GRHL3: variants seen among roughly 807,000 people sequenced by gnomAD.
GRHL3 encodes grainyhead like transcription factor 3.
Under a neutral mutation model 70.3 loss-of-function variants are expected in GRHL3, and 20 were observed. The observed-to-expected ratio is 0.28, with a 90% CI of 0.20 to 0.41. The LOEUF (loss-of-function observed/expected upper bound fraction) is 0.41, where lower values mean the gene tolerates loss of function less well. Among genes scored for constraint, GRHL3 ranks in the 10% least tolerant of loss-of-function variants. The pLI is 1.00. For missense variants in GRHL3, 637 were observed against 762.3 expected (o/e 0.84, Z 1.94); for synonymous variants, 299 against 299.9 (o/e 1.00, Z 0.03).
At chr1:24,346,446 C>A in intron 12 of GRHL3, 107 bp from the exon 13 acceptor site, 2 of 702,390 alleles carry the variant, frequency 2.8e-6, no homozygotes, top group Middle Eastern at 2.4e-4. Context: ...TGCATCCACC[C>A]TTGTGTTTTC....
intron 12 of GRHL3, among the ~76,000 whole-genome samples, chr1:24,345,268 A>C (rs949766712): frequency 1.1e-5 from 1 of 89,230 alleles, no homozygotes; most frequent in African/African-American, 4.6e-5. Context: ...CCCCCTCCAC[A>C]CCTGTGCCCC....
chr1:24,325,314 T>A (rs1639350738), intron 1 of GRHL3, among the ~76,000 whole-genome samples: 1 of 152,228 alleles, frequency 6.6e-6, no homozygotes, highest in African/African-American at 2.4e-5. Flanking sequence ...TCCCACCTTC[T>A]GGAAAGTTGA....
intron 1 of GRHL3, among the ~76,000 whole-genome samples, chr1:24,320,986 C>T (rs1204858212): frequency 6.6e-6 from 1 of 152,186 alleles, no homozygotes; most frequent in Non-Finnish European, 1.5e-5. Flanking sequence ...TGGTGGAGAA[C>T]ACACCAGTAA....
Position 24,321,303 on chromosome 1 carries a change from A to G in GRHL3, c.17+1735A>G, listed in dbSNP as rs995316197. 6.6e-6 allele frequency among the ~76,000 whole-genome samples: 1 copy of G among 152,242 alleles called. No individual in the cohort carries two copies. The highest frequency in any genetic ancestry group is 1.5e-5 in the Non-Finnish European group (1 of 68,040). ...AGTTTGGGGTGGGGTGAGGGAAGCC[A>G]GTTGCCTGCTGAGTAATTGCAGGCG... On this transcript the variant is annotated intron_variant, in intron 1 of 15. Coordinates refer to ENST00000361548, the MANE Select transcript of GRHL3 (RefSeq NM_198173.3). This position sits in a 1 kb window ranked among gnomAD's most constrained non-coding sequence, Gnocchi z 4.0.
rs758217836 is a variant in GRHL3 at position 24,337,136 on chromosome 1, A to G, written c.671A>G (p.Tyr224Cys). 1 of 1,613,650 alleles carries G rather than the reference A, an allele frequency of 6.2e-7. No homozygotes were observed. The highest frequency in any genetic ancestry group is 1.7e-4 in the Middle Eastern group (1 of 6,058). ...CCGGAACCCCCATGTCCAGAGGACT[A>G]CCCCAGCCTCAAAAGGTAACTTGGT... ...TSPEPPCPED[Y>C]PSLKSDFEYT... Residue 224 changes from tyrosine (Y) to cysteine (C), a missense_variant, in exon 5 of 16, where the codon TAC (tyrosine) becomes TGC (cysteine). Around this residue, in one of 2 missense-constraint regions of GRHL3, gnomAD observed 387 missense variants for 513.8 expected, o/e 0.75. Coordinates refer to ENST00000361548, the MANE Select transcript of GRHL3 (RefSeq NM_198173.3).
intron 15 of GRHL3, 89 bp from the exon 16 acceptor site, chr1:24,354,285 G>T: frequency 1.2e-6 from 1 of 838,900 alleles, no homozygotes; most frequent in Non-Finnish European, 2.0e-6. Flanking sequence ...GTACCCACTG[G>T]GTATGACCCA....
chr1:24,346,644 G>A lies in GRHL3; in HGVS notation c.1543+3G>A. On this transcript the variant is annotated splice_donor_region_variant and intron_variant, in intron 13 of 15. Transcript: ENST00000361548. Reference sequence around the variant, plus strand: ...CAAGGAAGGCGACCTTCAGAGAGGTGACCTCCCGCCCTCCTCATTTACTCA... The same window carrying A: ...CAAGGAAGGCGACCTTCAGAGAGGTAACCTCCCGCCCTCCTCATTTACTCA... 6.2e-7 allele frequency: 1 copy of A among 1,608,834 alleles called. No homozygotes were observed. Among genetic ancestry groups the A allele is most frequent in the East Asian group, 2.2e-5 (1 of 44,744 alleles).
intron 12 of GRHL3, among the ~76,000 whole-genome samples, chr1:24,345,240 GCCCCCTCCACACCTGTGC>G (rs1557702758): frequency 8.1e-5 from 1 of 12,310 alleles, no homozygotes; most frequent in Non-Finnish European, 1.5e-4. Context: ...CCACACCTGT[GCCCCCTCCACACCTGTGC>G]CCCCTCCACA....
chr1:24,343,130 C>G, intron 11 of GRHL3, 105 bp downstream of exon 11: 1 of 1,326,048 alleles, frequency 7.5e-7, no homozygotes, highest in South Asian at 1.2e-5. Flanking sequence ...GCCCCTCAGC[C>G]AGTTTCAAGA....
chr1:24,353,223 T>A (rs1406542022), intron 15 of GRHL3, among the ~76,000 whole-genome samples: 1 of 152,188 alleles, frequency 6.6e-6, no homozygotes, highest in African/African-American at 2.4e-5. Context: ...ATATGAGGAT[T>A]CATCCTCCCA....
rs1265023119 is a variant in GRHL3, at chr1:24,331,447, A to T, written c.39A>T (p.Leu13=). ...TCAGTTTCAGGTCTGTGCGGCTGCT[A>T]AAGAACGACCCAGTCAACTTGCAGA... The part of the protein sequence containing the change: ...NELDFRSVRL[L]KNDPVNLQKF... Residue 13 remains leucine, a synonymous_variant, in exon 2 of 16, where the codon CTA becomes CTT. Coordinates refer to ENST00000361548, the MANE Select transcript of GRHL3 (RefSeq NM_198173.3). 1 of 1,613,050 alleles carries T rather than the reference A, an allele frequency of 6.2e-7. No homozygotes were observed. Among genetic ancestry groups the T allele is most frequent in the South Asian group, 1.1e-5 (1 of 90,806 alleles).
At chr1:24,359,174 T>C (rs999456170), downstream of GRHL3, among the ~76,000 whole-genome samples, 2 of 152,204 alleles carry the variant, frequency 1.3e-5, no homozygotes, top group Non-Finnish European at 2.9e-5. The surrounding 1 kb of genome is among the most constrained non-coding windows in gnomAD (Gnocchi z 5.3). Flanking sequence ...CTGAGTTTAC[T>C]GGAAGCTGAG....
At chr1:24,338,138 C>T (rs1440515246) in intron 7 of GRHL3, 35 bp downstream of exon 7, 3 of 1,380,748 alleles carry the variant, frequency 2.2e-6, no homozygotes, top group African/African-American at 2.9e-5. Flanking sequence ...TCCAGCTCCC[C>T]TCTCTCTCCC....
chr1:24,346,682 C>A, intron 13 of GRHL3, 41 bp downstream of exon 13: 1 of 1,448,530 alleles, frequency 6.9e-7, no homozygotes, highest in Non-Finnish European at 9.6e-7. Flanking sequence ...AGGCCCACCC[C>A]AGCTCCCACC....
chr1:24,342,409 C>T lies in GRHL3; in HGVS notation c.1206+136C>T, dbSNP rs544288129. On this transcript the variant is annotated intron_variant, in intron 9 of 15. Coordinates refer to ENST00000361548, the MANE Select transcript of GRHL3 (RefSeq NM_198173.3). This position sits in a 1 kb window ranked among gnomAD's most constrained non-coding sequence, Gnocchi z 4.8. ...TATCCCTTCTCCTCCTTCCCCTCTC[C>T]TCCTCCACCCCCACTCCTCCATCTC... The T allele has an allele frequency of 3.7e-4, 265 of 714,380 alleles. No homozygotes were observed. The highest frequency in any genetic ancestry group is 4.8e-4 in the Non-Finnish European group (206 of 431,214). 44.3% of individuals were successfully genotyped at this position (714,380 alleles called of 1,614,324 possible). A position where few individuals can be genotyped will look rare whatever the true frequency, so the allele number is the denominator to read the frequency against.
chr1:24,362,314 C>G (rs1569967667), intron 15 of GRHL3, among the ~76,000 whole-genome samples: 1 of 152,182 alleles, frequency 6.6e-6, no homozygotes, highest in Admixed American at 6.5e-5. Context: ...GTTATAGGCA[C>G]CTTTGTAGGA....
intron 3 of GRHL3, among the ~76,000 whole-genome samples, chr1:24,335,258 T>C: frequency 6.6e-6 from 1 of 152,186 alleles, no homozygotes; most frequent in Non-Finnish European, 1.5e-5. Context: ...GGGAGGGACA[T>C]CTGGGTTCCC....
Position 24,334,712 on chromosome 1 carries a change from G to C in GRHL3, c.266+6G>C. On this transcript the variant is annotated splice_donor_region_variant and intron_variant, in intron 3 of 15. Coordinates refer to ENST00000361548, the MANE Select transcript of GRHL3 (RefSeq NM_198173.3). The surrounding 1 kb of genome is among the most constrained non-coding windows in gnomAD (Gnocchi z 4.3). The stretch of plus-strand genomic sequence containing the variant: ...AGGAATGACCAAGGAAAGAGGTGAG[G>C]CTTGCCAACACCCTCTGCCTCTTTG... 1 of 1,608,898 alleles carries C rather than the reference G, an allele frequency of 6.2e-7. No individual in the cohort carries two copies. Among genetic ancestry groups the C allele is most frequent in the East Asian group, 2.2e-5 (1 of 44,660 alleles).
chr1:24,348,655 T>C (rs1233722893), intron 14 of GRHL3, among the ~76,000 whole-genome samples: 1 of 152,252 alleles, frequency 6.6e-6, no homozygotes, highest in Non-Finnish European at 1.5e-5. Context: ...GAGAGTTTAC[T>C]ACCTGTGGGG....
Sources: allele counts gnomAD v4.1 joint callset (sites outside exome capture counted in the v4.1 genomes callset), GRCh38; gene constraint gnomAD v4.1.1; regional missense constraint gnomAD v4.1.1; non-coding constraint Gnocchi (gnomAD v3.1); transcripts MANE v1.5; gene names NCBI Gene and HGNC (gene_info 2026-07-23, HGNC 2026-07-21).